NIPBL: variants seen among roughly 807,000 people sequenced by gnomAD.
The protein encoded by NIPBL is nipped-B-like protein.
NIPBL carries 19 observed loss-of-function variants against 321.8 expected under a neutral mutation model. That is an observed-to-expected ratio of 0.06 (90% confidence interval 0.04 to 0.09). The LOEUF (loss-of-function observed/expected upper bound fraction) is 0.09, where lower values mean the gene tolerates loss of function less well. Ranked by LOEUF, NIPBL falls within the 10% of genes least tolerant of loss-of-function variation. NIPBL has a pLI of 1.00. For missense variants in NIPBL, 2,210 were observed against 3,327.0 expected (o/e 0.66, Z 8.26); for synonymous variants, 1,106 against 1,114.1 (o/e 0.99, Z 0.14).
intron 9 of NIPBL, among the ~76,000 whole-genome samples, chr5:36,977,718 A>C (rs527799294): frequency 6.6e-6 from 1 of 151,726 alleles, no homozygotes; most frequent in African/African-American, 2.4e-5. Flanking sequence ...AATAGTGATC[A>C]TAGTACCCAT....
intron 21 of NIPBL, among the ~76,000 whole-genome samples, chr5:37,010,455 A>C (rs752180404): frequency 2.0e-5 from 3 of 152,098 alleles, no homozygotes; most frequent in Non-Finnish European, 4.4e-5. Flanking sequence ...AGCTGGGATT[A>C]CAGGCACGCA....
chr5:37,010,282 TTC>T (rs1747956738), intron 21 of NIPBL, 57 bp downstream of exon 21: 8 of 1,293,622 alleles, frequency 6.2e-6, no homozygotes, highest in Non-Finnish European at 8.9e-6. Context: ...AATACCTATA[TTC>T]TCTGTCATTC....
At chr5:37,061,055 G>A (rs1383772519) in intron 45 of NIPBL, 37 bp downstream of exon 45, 6 of 1,555,120 alleles carry the variant, frequency 3.9e-6, no homozygotes, top group Non-Finnish European at 5.3e-6. Context: ...CTTCTCATAA[G>A]GGCTTTTTTG....
At chr5:36,883,948 C>G (rs539201262) in intron 1 of NIPBL, among the ~76,000 whole-genome samples, 1 of 151,748 alleles carries the variant, frequency 6.6e-6, no homozygotes, top group African/African-American at 2.4e-5. Context: ...AAATTTCTTC[C>G]TAGGGTTCTG....
chr5:37,045,746 C>T (rs949776485), intron 37 of NIPBL, 149 bp downstream of exon 37: 9 of 797,586 alleles, frequency 1.1e-5, no homozygotes, highest in East Asian at 1.0e-4. Context: ...AAAACGTGGT[C>T]CTCAGACTGG....
chr5:36,951,959 C>T (rs2149594604), intron 1 of NIPBL, among the ~76,000 whole-genome samples: 1 of 150,378 alleles, frequency 6.6e-6, no homozygotes, highest in South Asian at 2.1e-4. Context: ...TAGAAGGAAC[C>T]AGAATGCTAG....
At chr5:36,906,181 A>G (rs191371179) in intron 1 of NIPBL, among the ~76,000 whole-genome samples, 164 of 152,276 alleles carry the variant, frequency 1.1e-3, no homozygotes, top group African/African-American at 3.8e-3. Context: ...ATAAAACCCT[A>G]CCATTTCTGC....
intron 1 of NIPBL, among the ~76,000 whole-genome samples, chr5:36,909,563 G>T (rs1747889157): frequency 6.6e-6 from 1 of 152,062 alleles, no homozygotes; most frequent in African/African-American, 2.4e-5. Context: ...TTATTTGCCA[G>T]GATGTTCATT....
chr5:36,957,919 G>T (rs1038773178), intron 3 of NIPBL, among the ~76,000 whole-genome samples, 185 bp from the exon 4 acceptor site: 1 of 151,328 alleles, frequency 6.6e-6, no homozygotes. Context: ...GGAGACGGAG[G>T]TTGCAGTGAG....
intron 1 of NIPBL, among the ~76,000 whole-genome samples, chr5:36,891,918 T>G (rs538403497): frequency 1.3e-5 from 2 of 152,080 alleles, no homozygotes; most frequent in Non-Finnish European, 2.9e-5. Context: ...TAAGAGAGAA[T>G]GAAAACAGTC....
At chr5:37,057,144 G>C (rs1239715918) in intron 42 of NIPBL, 42 bp from the exon 43 acceptor site, 2 of 1,608,100 alleles carry the variant, frequency 1.2e-6, no homozygotes, top group African/African-American at 1.3e-5. Context: ...TGGGTTTCTA[G>C]ATTATCCGCT....
intron 6 of NIPBL, among the ~76,000 whole-genome samples, chr5:36,968,441 C>T (rs975028303): frequency 3.3e-5 from 5 of 151,710 alleles, no homozygotes; most frequent in East Asian, 3.9e-4. Flanking sequence ...TAGTGGCAGG[C>T]GCCTGTAGTC....
At chr5:37,014,287 TG>T (rs961247254) in intron 21 of NIPBL, among the ~76,000 whole-genome samples, 3 of 150,790 alleles carry the variant, frequency 2.0e-5, no homozygotes, top group Admixed American at 2.0e-4. Context: ...AAATTTCTGA[TG>T]AAGGCTTTGA....
chr5:36,881,389 C>T (rs1194512039), intron 1 of NIPBL, among the ~76,000 whole-genome samples: 1 of 151,370 alleles, frequency 6.6e-6, no homozygotes, highest in African/African-American at 2.4e-5. Context: ...TTTCTATTCC[C>T]AAAGTTATAT....
At chr5:37,040,243 A>G (rs535368490) in intron 34 of NIPBL, among the ~76,000 whole-genome samples, 4 of 152,238 alleles carry the variant, frequency 2.6e-5, no homozygotes, top group African/African-American at 9.6e-5. Context: ...TGCATTTTTT[A>G]TGTATGTATG....
intron 1 of NIPBL, among the ~76,000 whole-genome samples, chr5:36,936,728 CTGAT>C (rs1738472036): frequency 6.6e-6 from 1 of 151,984 alleles, no homozygotes; most frequent in Admixed American, 6.6e-5. Context: ...ACAAGTAAGT[CTGAT>C]TGATTAACCT....
Position 36,986,289 on chromosome 5 carries a change from A to G in NIPBL, c.3109A>G (p.Lys1037Glu), listed in dbSNP as rs587783916. ...TAAACCTATCAAGAATAAACCATCAAAGTCAAATAAAGGTAAGAATACTTC... is the reference window on the plus strand; with the variant it reads ...TAAACCTATCAAGAATAAACCATCAGAGTCAAATAAAGGTAAGAATACTTC... ...SLKPIKNKPSKSNKGSIDQSV... is the reference protein window; with the variant it reads ...SLKPIKNKPSESNKGSIDQSV... The change falls in exon 10 of 47, where the codon AAG (lysine) becomes GAG (glutamate). Residue 1037 changes from lysine (K) to glutamate (E), a missense_variant. Physicochemically the swap from Lys to Glu is moderately conservative, Grantham distance 56 (BLOSUM62 1). This residue lies in a region of NIPBL where 381 missense variants were observed against 642.3 expected (regional missense o/e 0.59). Transcript: ENST00000282516. The G allele has an allele frequency of 4.0e-6, 6 of 1,508,692 alleles. No homozygotes were observed. The South Asian group carries it at 5.5e-5, about 14-fold the overall frequency. The allele number at this position is 1,508,692 out of a possible 1,614,324, so 93.5% of individuals were successfully genotyped here. A position where few individuals can be genotyped will look rare whatever the true frequency, so the allele number is the denominator to read the frequency against.
At chr5:36,895,873 C>G (rs998783914) in intron 1 of NIPBL, among the ~76,000 whole-genome samples, 4 of 152,148 alleles carry the variant, frequency 2.6e-5, no homozygotes, top group Non-Finnish European at 5.9e-5. Context: ...TTATCAGATA[C>G]GTGATTTGCA....
intron 1 of NIPBL, among the ~76,000 whole-genome samples, chr5:36,883,181 T>A (rs539341906): frequency 6.6e-6 from 1 of 152,062 alleles, no homozygotes; most frequent in South Asian, 2.1e-4. Context: ...TTAAAAAAAT[T>A]CCCAAGAATG....
Sources: gnomAD v4.1 joint callset for allele counts (sites outside exome capture counted in the v4.1 genomes callset) on GRCh38, gnomAD v4.1.1 for gene constraint, gnomAD v4.1.1 regional missense constraint, MANE v1.5 for transcripts, NCBI Gene and HGNC (gene_info 2026-07-23, HGNC 2026-07-21) for gene names.